Variants in CCDC91 observed in about 807,000 individuals in gnomAD.
CCDC91 encodes coiled-coil domain containing 91.
A neutral mutation model predicts 63.2 loss-of-function variants in CCDC91; 48 were observed. The ratio of observed to expected loss-of-function variants is 0.76; its 90% CI spans 0.60 to 0.97. CCDC91 has a LOEUF of 0.97. Among genes scored for constraint, CCDC91 ranks in the 50% least tolerant of loss-of-function variants. The pLI, the probability that CCDC91 is intolerant of heterozygous loss-of-function variation, is 0.00. For missense variants in CCDC91, 500 were observed against 494.6 expected (o/e 1.01, Z -0.10); for synonymous variants, 167 against 165.8 (o/e 1.01, Z -0.06).
chr12:28,536,919 T>G (rs569408177), intron 12 of CCDC91, among the ~76,000 whole-genome samples: 1 of 152,168 alleles, frequency 6.6e-6, no homozygotes, highest in African/African-American at 2.4e-5. Flanking sequence ...ATATTGAGAC[T>G]GAAACTGATA....
intron 7 of CCDC91, among the ~76,000 whole-genome samples, chr12:28,369,286 CA>C (rs1197583033): frequency 1.6e-4 from 24 of 151,588 alleles, no homozygotes; most frequent in East Asian, 1.9e-4. Flanking sequence ...AGAAATTGGC[CA>C]AAAAAAAGTA....
intron 1 of CCDC91, among the ~76,000 whole-genome samples, chr12:28,205,573 A>T (rs1942782500): frequency 6.6e-6 from 1 of 152,200 alleles, no homozygotes. Flanking sequence ...AAGAGACTGT[A>T]TTGCAGCCAC....
At chr12:28,290,711 G>A (rs1217127614) in intron 3 of CCDC91, among the ~76,000 whole-genome samples, 1 of 152,106 alleles carries the variant, frequency 6.6e-6, no homozygotes, top group Non-Finnish European at 1.5e-5. Flanking sequence ...GTAGATGTAG[G>A]ATCATATTAT....
At chr12:28,219,123 C>CTT (rs1383273706) in intron 1 of CCDC91, among the ~76,000 whole-genome samples, 1 of 152,102 alleles carries the variant, frequency 6.6e-6, no homozygotes, top group Non-Finnish European at 1.5e-5. Flanking sequence ...TATTGTGAAT[C>CTT]TTTTTAAGTA....
chr12:28,249,644 G>C (rs983696804), intron 1 of CCDC91, among the ~76,000 whole-genome samples: 1 of 151,998 alleles, frequency 6.6e-6, no homozygotes, highest in African/African-American at 2.4e-5. Flanking sequence ...GTTGTACTTT[G>C]CATGCACACT....
chr12:28,439,438 C>T (rs1404962417), intron 8 of CCDC91, among the ~76,000 whole-genome samples: 1 of 152,018 alleles, frequency 6.6e-6, no homozygotes, highest in East Asian at 1.9e-4. Context: ...ACAATCTTAC[C>T]AGATCACTTG....
intron 1 of CCDC91, among the ~76,000 whole-genome samples, chr12:28,233,796 G>T (rs1213580528): frequency 6.6e-6 from 1 of 151,882 alleles, no homozygotes; most frequent in East Asian, 1.9e-4. Context: ...TGTTAGATAA[G>T]GTTATATAGA....
intron 8 of CCDC91, among the ~76,000 whole-genome samples, chr12:28,419,938 G>T (rs563944070): frequency 6.6e-6 from 1 of 151,806 alleles, no homozygotes; most frequent in South Asian, 2.1e-4. Flanking sequence ...TGTGTTTTTT[G>T]TAGCTATGGG....
intron 7 of CCDC91, among the ~76,000 whole-genome samples, chr12:28,372,688 A>G (rs1944696600): frequency 6.6e-6 from 1 of 151,992 alleles, no homozygotes; most frequent in South Asian, 2.1e-4. Context: ...TTGTAACCTG[A>G]GACTTTACTG....
At chr12:28,333,940 A>T (rs1941720037) in intron 6 of CCDC91, among the ~76,000 whole-genome samples, 1 of 152,158 alleles carries the variant, frequency 6.6e-6, no homozygotes, top group Non-Finnish European at 1.5e-5. Context: ...ACCTTTTAAA[A>T]AATATTGATG....
intron 3 of CCDC91, among the ~76,000 whole-genome samples, chr12:28,298,780 A>T (rs930067893): frequency 1.3e-5 from 1 of 74,452 alleles, no homozygotes; most frequent in African/African-American, 5.2e-5. Context: ...TTGTGTGCAC[A>T]TATATATATA....
chr12:28,455,883 G>C (rs756086284), intron 11 of CCDC91, among the ~76,000 whole-genome samples: 4 of 152,004 alleles, frequency 2.6e-5, no homozygotes, highest in Non-Finnish European at 4.4e-5. Flanking sequence ...CATTGTTACA[G>C]ATGGGGAGAC....
At chr12:28,197,755 A>C (rs1941891314) in intron 1 of CCDC91, among the ~76,000 whole-genome samples, 2 of 152,252 alleles carry the variant, frequency 1.3e-5, no homozygotes, top group Admixed American at 1.3e-4. Context: ...GCAAATTAGC[A>C]TGAGATGTTA....
intron 6 of CCDC91, among the ~76,000 whole-genome samples, chr12:28,335,267 A>G (rs1371211237): frequency 1.5e-5 from 2 of 137,906 alleles, no homozygotes; most frequent in African/African-American, 5.4e-5. Context: ...CATATAATAT[A>G]TAATATATAA....
In CCDC91 at chr12:28,404,094, A is replaced by G. The variant is rs117567403; in HGVS notation, c.762+12683A>G. 2.9e-3 allele frequency among the ~76,000 whole-genome samples: 437 copies of G among 151,944 alleles called. 1 individual carries two copies. The highest frequency in any genetic ancestry group is 5.0e-3 in the Admixed American group (76 of 15,248). On this transcript the variant is annotated intron_variant, in intron 8 of 12. Transcript: ENST00000536442. Reference sequence around the variant, plus strand: ...ATTTACTCTTGTTTACTTATTTCCAAAGGTGGAAACTTAGATTGTTAATTT... The same window carrying G: ...ATTTACTCTTGTTTACTTATTTCCAGAGGTGGAAACTTAGATTGTTAATTT...
At position 28,455,423 on chromosome 12, in the gene CCDC91, G is replaced by A. The variant is rs184511627; in HGVS notation, c.1101+2769G>A. 1.3e-5 allele frequency among the ~76,000 whole-genome samples: 2 copies of A among 152,176 alleles called. 1 individual carries two copies. The highest frequency in any genetic ancestry group is 4.8e-5 in the African/African-American group (2 of 41,548). ...TTTACCCCTGGGCTACTAGTGATAG[G>A]AATCTGAAATACTGCCTCTTCATTC... On this transcript the variant is annotated intron_variant, in intron 11 of 12. Coordinates refer to ENST00000536442, the MANE Select transcript of CCDC91 (RefSeq NM_018318.5).
intron 6 of CCDC91, among the ~76,000 whole-genome samples, chr12:28,339,961 C>A (rs1942294467): frequency 6.6e-6 from 1 of 152,110 alleles, no homozygotes; most frequent in Non-Finnish European, 1.5e-5. Flanking sequence ...TGAATATACA[C>A]ACATATATAT....
At chr12:28,453,896 A>G (rs1251102309) in intron 11 of CCDC91, among the ~76,000 whole-genome samples, 1 of 152,102 alleles carries the variant, frequency 6.6e-6, no homozygotes, top group Non-Finnish European at 1.5e-5. Flanking sequence ...GAATTGGGTA[A>G]GAAGGCATGA....
chr12:28,406,601 AAG>A (rs1333677776), intron 8 of CCDC91, among the ~76,000 whole-genome samples: 5 of 152,104 alleles, frequency 3.3e-5, no homozygotes, highest in Non-Finnish European at 7.4e-5. Context: ...ATATGTTTCT[AAG>A]AGCAGAAGTT....
Sources: gnomAD v4.1 joint callset for allele counts (sites outside exome capture counted in the v4.1 genomes callset) on GRCh38, gnomAD v4.1.1 for gene constraint, MANE v1.5 for transcripts, NCBI Gene and HGNC (gene_info 2026-07-23, HGNC 2026-07-21) for gene names.